The following ANGPT2 variants were observed in gnomAD, a reference collection of about 807,000 sequenced individuals.
The protein encoded by ANGPT2 is angiopoietin-2.
Under a neutral mutation model 62.9 loss-of-function variants are expected in ANGPT2, and 28 were observed. That is an observed-to-expected ratio of 0.44 (90% CI 0.33 to 0.61). The LOEUF (loss-of-function observed/expected upper bound fraction) is 0.61, where lower values mean the gene tolerates loss of function less well. ANGPT2 is among the 20% of genes least tolerant of loss of function. ANGPT2 has a pLI of 0.03. For missense variants in ANGPT2, 727 were observed against 594.9 expected, an observed-to-expected ratio of 1.22 and a Z score of -2.31; for synonymous variants, 284 against 207.8, an observed-to-expected ratio of 1.37 and a Z score of -3.15.
intron 8 of ANGPT2, 145 bp downstream of exon 8, chr8:6,508,787 C>G (rs1814317537): frequency 5.9e-6 from 7 of 1,184,842 alleles, no homozygotes; most frequent in Non-Finnish European, 8.6e-6. Flanking sequence ...GTGAAAAACA[C>G]ATTTACCTAT....
At position 6,522,211 on chromosome 8, in the gene ANGPT2, C is replaced by T. The variant is rs1817489096; in HGVS notation, c.567-801G>A. ...TCCACTAAAAATACAAAAAATTCTC[C>T]AGGCGTGGTGGCGGGCGCCTGTAGT... On this transcript the variant is annotated intron_variant, in intron 3 of 8. Transcript: ENST00000629816. 2.0e-5 allele frequency among the ~76,000 whole-genome samples: 3 copies of T among 151,978 alleles called. No individual in the cohort carries two copies. The South Asian group carries it at 6.2e-4, about 32-fold the overall frequency.
At chr8:6,541,458 A>T (rs952414383) in intron 1 of ANGPT2, among the ~76,000 whole-genome samples, 2 of 152,102 alleles carry the variant, frequency 1.3e-5, no homozygotes, top group Non-Finnish European at 2.9e-5. Context: ...TTTCTAGTAG[A>T]TTGGGGCAGG....
At chr8:6,526,680 A>G (rs1007608168) in intron 3 of ANGPT2, among the ~76,000 whole-genome samples, 3 of 152,256 alleles carry the variant, frequency 2.0e-5, no homozygotes, top group Non-Finnish European at 4.4e-5. Context: ...TTATTGAACA[A>G]GAAGTTTATC....
chr8:6,559,455 G>C (rs1478571714), intron 1 of ANGPT2, among the ~76,000 whole-genome samples: 2 of 152,156 alleles, frequency 1.3e-5, no homozygotes, highest in African/African-American at 2.4e-5. Flanking sequence ...GAAAGAAAAG[G>C]ATTGCAATTC....
intron 8 of ANGPT2, among the ~76,000 whole-genome samples, chr8:6,504,103 G>C (rs539119492): frequency 2.6e-4 from 39 of 152,210 alleles, no homozygotes; most frequent in Non-Finnish European, 5.4e-4. Context: ...TGGATCACGA[G>C]ATCAGGAGAC....
chr8:6,502,955 C>T lies in ANGPT2; in HGVS notation c.*146G>A, dbSNP rs80324828. 3.4e-6 allele frequency: 3 copies of T among 878,260 alleles called. No homozygotes were observed. Among genetic ancestry groups the T allele is most frequent in the Non-Finnish European group, 5.2e-6 (3 of 576,936 alleles). The allele number at this position is 878,260 out of a possible 1,614,324, so 54.4% of individuals were successfully genotyped here. Reference sequence around the variant, plus strand: ...GTTTAAGTGATAAAGTTTACAGGCTCTAATCTGGAGCATGTGGGTCCCGTC... The same window carrying T: ...GTTTAAGTGATAAAGTTTACAGGCTTTAATCTGGAGCATGTGGGTCCCGTC... On this transcript the variant is annotated 3_prime_UTR_variant, in exon 9 of 9. Coordinates refer to ENST00000629816, the MANE Select transcript of ANGPT2 (RefSeq NM_001118887.2).
At chr8:6,514,860 C>G (rs2129567861) in intron 5 of ANGPT2, 82 bp from the exon 6 acceptor site, 1 of 1,226,260 alleles carries the variant, frequency 8.2e-7, no homozygotes, top group Non-Finnish European at 1.2e-6. Context: ...AATGTAGACC[C>G]TGAGTGCAGG....
At chr8:6,515,457 A>G (rs1337750277) in intron 5 of ANGPT2, among the ~76,000 whole-genome samples, 1 of 152,164 alleles carries the variant, frequency 6.6e-6, no homozygotes, top group Non-Finnish European at 1.5e-5. Flanking sequence ...CTCTGTACAT[A>G]GCTCACTGCC....
chr8:6,515,912 C>T (rs538925644), intron 5 of ANGPT2, among the ~76,000 whole-genome samples: 49 of 152,320 alleles, frequency 3.2e-4, no homozygotes, highest in African/African-American at 1.2e-3. Flanking sequence ...CCTGTTCTTT[C>T]ATTTCCTACA....
intron 1 of ANGPT2, among the ~76,000 whole-genome samples, chr8:6,560,908 A>G (rs1040671239): frequency 2.6e-5 from 4 of 152,194 alleles, no homozygotes; most frequent in Non-Finnish European, 4.4e-5. Context: ...GCATTCTTTT[A>G]TGTTTCCTGG....
intron 1 of ANGPT2, among the ~76,000 whole-genome samples, chr8:6,551,264 T>G (rs749036613): frequency 1.8e-4 from 28 of 152,178 alleles, no homozygotes; most frequent in Non-Finnish European, 2.9e-4. Flanking sequence ...AGAGACTGTT[T>G]ATTTTAGTGG....
At position 6,539,556 on chromosome 8, in the gene ANGPT2, C is replaced by G. The variant is rs116276245; in HGVS notation, c.289-7069G>C. Among the ~76,000 whole-genome samples the G allele has an allele frequency of 6.0e-3, 920 of 152,254 alleles. 10 individuals carry two copies. Among genetic ancestry groups the G allele is most frequent in the African/African-American group, 0.021 (893 of 41,550 alleles). ...CTTCCTGAAATGGATCTGTTCTGAT[C>G]TAGCCTTTTTGCTTTTTTCTAGTCA... On this transcript the variant is annotated intron_variant, in intron 1 of 8. Coordinates refer to ENST00000629816, the MANE Select transcript of ANGPT2 (RefSeq NM_001118887.2).
intron 2 of ANGPT2, 75 bp from the exon 3 acceptor site, chr8:6,527,751 G>A: frequency 1.5e-6 from 2 of 1,322,004 alleles, no homozygotes; most frequent in South Asian, 1.4e-5. Flanking sequence ...TTTCATTAAA[G>A]TACCCAAGCT....
chr8:6,539,932 C>T (rs4991608), intron 1 of ANGPT2, among the ~76,000 whole-genome samples: 86,811 of 151,922 alleles, frequency 0.57, 26,454 homozygotes, highest in Non-Finnish European at 0.68. Context: ...TCTAGATAAC[C>T]AACCCCTTTC....
intron 3 of ANGPT2, among the ~76,000 whole-genome samples, chr8:6,522,529 T>A (rs1817558560): frequency 6.6e-6 from 1 of 151,966 alleles, no homozygotes; most frequent in Non-Finnish European, 1.5e-5. Context: ...ATCCCAGCAC[T>A]TTGGAAGGCT....
At chr8:6,562,245 G>T (rs1243328582) in intron 1 of ANGPT2, among the ~76,000 whole-genome samples, 1 of 152,070 alleles carries the variant, frequency 6.6e-6, no homozygotes, top group East Asian at 1.9e-4. Flanking sequence ...GGGCTGCTGC[G>T]GCTCACAGCC....
intron 1 of ANGPT2, among the ~76,000 whole-genome samples, chr8:6,533,665 G>T (rs1458086009): frequency 2.2e-5 from 3 of 135,936 alleles, no homozygotes; most frequent in African/African-American, 8.2e-5. Flanking sequence ...CACAAACCAT[G>T]TTTTCTTCCT....
At chr8:6,503,774 G>A (rs1463929631) in intron 8 of ANGPT2, among the ~76,000 whole-genome samples, 1 of 152,280 alleles carries the variant, frequency 6.6e-6, no homozygotes, top group East Asian at 1.9e-4. Flanking sequence ...AGACAAAAAG[G>A]AAATTTAAAG....
At position 6,562,800 on chromosome 8, in the gene ANGPT2, G is replaced by A. The variant is rs759839559; in HGVS notation, c.135C>T (p.Phe45=). The change falls in exon 1 of 9, where the codon TTC becomes TTT. Residue 45 remains phenylalanine (F), a synonymous_variant. Transcript: ENST00000629816. ...QVQHGSCSYT[F]LLPEMDNCRS... ...GGCAGTTGTCCATCTCTGGCAGGAG[G>A]AAAGTGTAGCTGCAGGACCCATGCT... The A allele has an allele frequency of 1.9e-6, 3 of 1,613,652 alleles. No homozygotes were observed. The South Asian group carries it at 3.3e-5, about 18-fold the overall frequency.
Sources: gnomAD v4.1 joint callset for allele counts (sites outside exome capture counted in the v4.1 genomes callset) on GRCh38, gnomAD v4.1.1 for gene constraint, MANE v1.5 for transcripts, NCBI Gene and HGNC (gene_info 2026-07-23, HGNC 2026-07-21) for gene names.